The following SV2C variants were observed in gnomAD, a reference collection of about 807,000 sequenced individuals.
The protein encoded by SV2C is synaptic vesicle glycoprotein 2C.
Under a neutral mutation model 79.7 loss-of-function variants are expected in SV2C, and 49 were observed. The observed-to-expected ratio is 0.61, with a 90% CI of 0.49 to 0.78. The LOEUF (loss-of-function observed/expected upper bound fraction) is 0.78, where lower values mean the gene tolerates loss of function less well. Among genes scored for constraint, SV2C ranks in the 30% least tolerant of loss-of-function variants. The pLI is 0.00. For missense variants in SV2C, 833 were observed against 912.9 expected (o/e 0.91, Z 1.13); for synonymous variants, 334 against 333.2 (o/e 1.00, Z -0.03).
intron 1 of SV2C, among the ~76,000 whole-genome samples, chr5:76,116,147 T>A (rs959785174): frequency 9.9e-5 from 15 of 152,224 alleles, no homozygotes; most frequent in Non-Finnish European, 2.2e-4. Context: ...ACTGTATTTT[T>A]ATTGGACAGT....
At chr5:75,967,325 C>T in the SV2C span, among the ~76,000 whole-genome samples, 1 of 152,106 alleles carries the variant, frequency 6.6e-6, no homozygotes, top group Non-Finnish European at 1.5e-5. Context: ...ACAGTGGGTG[C>T]AGAACAGTGA....
At chr5:76,151,439 G>T (rs747065999) in intron 2 of SV2C, among the ~76,000 whole-genome samples, 2 of 152,196 alleles carry the variant, frequency 1.3e-5, no homozygotes, top group Non-Finnish European at 2.9e-5. Flanking sequence ...TCATTTGGGA[G>T]ACTGCTGTGT....
chr5:76,033,327 C>T, the SV2C span, among the ~76,000 whole-genome samples: 1 of 152,072 alleles, frequency 6.6e-6, no homozygotes, highest in Non-Finnish European at 1.5e-5. Context: ...TTGCCCATGC[C>T]TATGTCCTGA....
intron 4 of SV2C, among the ~76,000 whole-genome samples, chr5:76,268,161 A>G (rs1489881662): frequency 6.6e-6 from 1 of 152,152 alleles, no homozygotes; most frequent in African/African-American, 2.4e-5. Context: ...CTTGTACTAT[A>G]GGCAGTTGTA....
At position 76,329,283 on chromosome 5, in the gene SV2C, G is replaced by A. The variant is rs922015815; in HGVS notation, c.*3736G>A. 3 of 152,098 alleles carry A rather than the reference G, an allele frequency of 2.0e-5. No individual in the cohort carries two copies. The highest frequency in any genetic ancestry group is 2.9e-5 in the Non-Finnish European group (2 of 68,032). 9.4% of individuals were successfully genotyped at this position (152,098 alleles called of 1,614,324 possible). On this transcript the variant is annotated 3_prime_UTR_variant, in exon 13 of 13. Coordinates refer to ENST00000502798, the MANE Select transcript of SV2C (RefSeq NM_014979.4). ...AGTTACCATCACCCAGCCAGAAAAG[G>A]GCCCCGCCTTGCCAGATAAACGCGC...
Position 76,209,805 on chromosome 5 carries a change from A to G in SV2C, c.831A>G (p.Glu277=), listed in dbSNP as rs1429311474. The change falls in exon 4 of 13, where the codon GAA becomes GAG. Residue 277 remains glutamate (E), a synonymous_variant. Transcript: ENST00000502798. ...AEVLAREKRG[E]HLSWLCMFWM... ...TCCTGGCCCGGGAAAAGCGGGGCGA[A>G]CACTTGAGCTGGCTCTGCATGTTCT... 6.2e-7 allele frequency: 1 copy of G among 1,614,196 alleles called. No homozygotes were observed. The highest frequency in any genetic ancestry group is 1.1e-5 in the South Asian group (1 of 91,078).
At chr5:76,177,477 A>C (rs1743574213) in intron 2 of SV2C, among the ~76,000 whole-genome samples, 1 of 151,924 alleles carries the variant, frequency 6.6e-6, no homozygotes, top group Non-Finnish European at 1.5e-5. Context: ...ACTGATAATA[A>C]AATAATAAAC....
chr5:76,232,582 T>C (rs1745459314), intron 4 of SV2C, among the ~76,000 whole-genome samples: 1 of 151,606 alleles, frequency 6.6e-6, no homozygotes, highest in South Asian at 2.1e-4. Context: ...GTCTAATGTG[T>C]AAGTGTTTAA....
chr5:76,003,116 T>A, the SV2C span, among the ~76,000 whole-genome samples: 1 of 152,326 alleles, frequency 6.6e-6, no homozygotes, highest in South Asian at 2.1e-4. Context: ...TTCTCCTTAC[T>A]GCCATCATGT....
the SV2C span, among the ~76,000 whole-genome samples, chr5:75,958,298 C>T: frequency 1.3e-5 from 2 of 151,846 alleles, no homozygotes; most frequent in African/African-American, 4.8e-5. Context: ...CCATGGGGTG[C>T]CCAGATATTT....
intron 12 of SV2C, among the ~76,000 whole-genome samples, chr5:76,339,542 G>A (rs918533745): frequency 2.6e-5 from 4 of 151,970 alleles, no homozygotes; most frequent in Non-Finnish European, 2.9e-5. Context: ...GTGAAACTCT[G>A]TCTCTACTAA....
At chr5:76,336,734 A>C (rs1173519519), downstream of SV2C, among the ~76,000 whole-genome samples, 1 of 152,224 alleles carries the variant, frequency 6.6e-6, no homozygotes, top group Non-Finnish European at 1.5e-5. Flanking sequence ...CCACCAAAAA[A>C]ACACAAAAAC....
intron 1 of SV2C, among the ~76,000 whole-genome samples, chr5:76,090,602 A>G (rs1179817780): frequency 1.3e-5 from 2 of 152,202 alleles, no homozygotes; most frequent in East Asian, 1.9e-4. Flanking sequence ...TAGGTCTCCT[A>G]TTCTTCGGTG....
At position 76,280,688 on chromosome 5, in the gene SV2C, C is replaced by A. The variant is rs182459716; in HGVS notation, c.914-4474C>A. Among the ~76,000 whole-genome samples, 8 of 152,228 alleles carry A rather than the reference C, an allele frequency of 5.3e-5. No individual in the cohort carries two copies. In the East Asian group the frequency reaches 1.5e-3, roughly 29 times the overall value. On this transcript the variant is annotated intron_variant, in intron 4 of 12. Transcript: ENST00000502798. Reference sequence around the variant, plus strand: ...TCCGAGGTGGCCTGGCTGCTTTCCCCGGGGGGTGCCTGGGAGGCAGGCGTC... The same window carrying A: ...TCCGAGGTGGCCTGGCTGCTTTCCCAGGGGGGTGCCTGGGAGGCAGGCGTC...
At chr5:75,968,694 G>A in the SV2C span, among the ~76,000 whole-genome samples, 95 of 152,326 alleles carry the variant, frequency 6.2e-4, no homozygotes, top group African/African-American at 2.1e-3. Context: ...CCAAATCTAC[G>A]TCTGATTGGT....
At chr5:75,905,302 C>T in the SV2C span, among the ~76,000 whole-genome samples, 4 of 152,150 alleles carry the variant, frequency 2.6e-5, no homozygotes, top group East Asian at 5.8e-4. Context: ...ATGTAATAAC[C>T]GTCAAATGCC....
At chr5:76,051,382 T>G in the SV2C span, among the ~76,000 whole-genome samples, 2 of 152,226 alleles carry the variant, frequency 1.3e-5, no homozygotes, top group Admixed American at 6.5e-5. Context: ...ATGTGTCATA[T>G]AGATGTTCAT....
At chr5:76,076,176 T>C in the SV2C span, among the ~76,000 whole-genome samples, 1 of 152,236 alleles carries the variant, frequency 6.6e-6, no homozygotes. Flanking sequence ...TATATGTGTG[T>C]AGTTTTTGAA....
chr5:75,958,987 C>T, the SV2C span, among the ~76,000 whole-genome samples: 1 of 151,822 alleles, frequency 6.6e-6, no homozygotes, highest in Non-Finnish European at 1.5e-5. Context: ...TACCCATGCC[C>T]CCTCAAATAT....
Sources: gnomAD v4.1 joint callset for allele counts (sites outside exome capture counted in the v4.1 genomes callset) on GRCh38, gnomAD v4.1.1 for gene constraint, MANE v1.5 for transcripts, NCBI Gene and HGNC (gene_info 2026-07-23, HGNC 2026-07-21) for gene names.